NGEF: variants seen among roughly 807,000 people sequenced by gnomAD.
NGEF encodes ephexin-1.
A neutral mutation model predicts 80.9 loss-of-function variants in NGEF; 31 were observed. The ratio of observed to expected loss-of-function variants is 0.38; its 90% CI spans 0.29 to 0.52. The LOEUF is 0.52. NGEF is among the 20% of genes least tolerant of loss of function. The pLI, the probability that NGEF is intolerant of heterozygous loss-of-function variation, is 0.84. For missense variants in NGEF, 709 were observed against 926.2 expected, an observed-to-expected ratio of 0.77 and a Z score of 3.04; for synonymous variants, 371 against 370.2, an observed-to-expected ratio of 1.00 and a Z score of -0.03.
intron 13 of NGEF, 31 bp downstream of exon 13, chr2:232,882,155 A>T: frequency 1.2e-6 from 2 of 1,603,582 alleles, no homozygotes; most frequent in African/African-American, 2.7e-5. Context: ...CCCAAGGACA[A>T]ATGGCGCCCC....
intron 3 of NGEF, 146 bp from the exon 4 acceptor site, chr2:232,927,332 C>T: frequency 2.4e-6 from 2 of 831,496 alleles, no homozygotes; most frequent in South Asian, 5.1e-5. Context: ...CAGCCAGCGC[C>T]GCCCCTCCCG....
rs1171532803 is a variant in NGEF, at chr2:232,878,872, AG to A, written c.*616del. ...AGCCCATCAGGGAGCCAGAGGCGGG[AG>A]GGGTCCCCAGCCAAGCTCTGGCAGG... On this transcript the variant is annotated 3_prime_UTR_variant, in exon 15 of 15. Coordinates refer to ENST00000264051, the MANE Select transcript of NGEF (RefSeq NM_019850.3). 1 of 152,480 alleles carries A rather than the reference AG, an allele frequency of 6.6e-6. No homozygotes were observed. The highest frequency in any genetic ancestry group is 6.5e-5 in the Admixed American group (1 of 15,290). The allele number at this position is 152,480 out of a possible 1,614,324, so 9.4% of individuals were successfully genotyped here.
At position 232,900,756 on chromosome 2, in the gene NGEF, TCACA is replaced by T. The variant is rs562746618; in HGVS notation, c.829-5844_829-5841del. Among the ~76,000 whole-genome samples the T allele has an allele frequency of 6.3e-3, 431 of 68,188 alleles. 21 individuals are homozygous for T. Among genetic ancestry groups the T allele is most frequent in the Middle Eastern group, 0.023 (3 of 130 alleles). The allele number at this position is 68,188 out of a possible 152,430, so 44.7% of individuals were successfully genotyped here. On this transcript the variant is annotated intron_variant, in intron 5 of 14. Transcript: ENST00000264051. ...CATATACACGTTCACTCACATTCAC[TCACA>T]CACACACGCTCTCACACTCATGCAC...
chr2:232,894,257 C>T (rs959938133), intron 6 of NGEF, among the ~76,000 whole-genome samples: 2 of 152,238 alleles, frequency 1.3e-5, no homozygotes, highest in Admixed American at 6.5e-5. Flanking sequence ...AAGCACAGCT[C>T]CCAGAGCTGT....
chr2:232,922,927 G>C, intron 4 of NGEF, among the ~76,000 whole-genome samples: 1 of 152,042 alleles, frequency 6.6e-6, no homozygotes, highest in Non-Finnish European at 1.5e-5. Context: ...AAAATTAGCC[G>C]GGTGTGGTGG....
chr2:232,952,839 GTC>G (rs1693704198), intron 3 of NGEF, among the ~76,000 whole-genome samples: 2 of 151,188 alleles, frequency 1.3e-5, no homozygotes, highest in Non-Finnish European at 1.5e-5. Context: ...TGTGGTGGCA[GTC>G]ACCTGTAATC....
intron 3 of NGEF, chr2:232,969,994 A>T (rs1694152407): frequency 3.6e-6 from 1 of 281,482 alleles, no homozygotes; most frequent in South Asian, 7.3e-5. Flanking sequence ...GCAAGACCAC[A>T]TCACTGCCCA....
intron 14 of NGEF, among the ~76,000 whole-genome samples, chr2:232,880,038 G>T (rs1395657226): frequency 6.6e-6 from 1 of 152,166 alleles, no homozygotes; most frequent in African/African-American, 2.4e-5. Flanking sequence ...GGTGGGGGTG[G>T]CAGCCGAGCA....
intron 5 of NGEF, among the ~76,000 whole-genome samples, chr2:232,913,300 AT>A (rs1692727020): frequency 6.6e-6 from 1 of 152,160 alleles, no homozygotes; most frequent in South Asian, 2.1e-4. Flanking sequence ...ATTTTCTGTT[AT>A]CTTTGTTACC....
chr2:232,889,314 C>T (rs1259488276), intron 8 of NGEF, among the ~76,000 whole-genome samples: 2 of 152,194 alleles, frequency 1.3e-5, no homozygotes, highest in Non-Finnish European at 2.9e-5. Context: ...CTTAGCCTGG[C>T]ACGTGCTCTC....
intron 1 of NGEF, among the ~76,000 whole-genome samples, chr2:232,988,530 A>G (rs1053706691): frequency 1.1e-4 from 16 of 152,224 alleles, no homozygotes; most frequent in Non-Finnish European, 2.1e-4. Context: ...GTGGGAGTTT[A>G]CATGGATTCC....
chr2:232,987,291 T>C (rs537222613), intron 1 of NGEF, among the ~76,000 whole-genome samples: 1 of 152,224 alleles, frequency 6.6e-6, no homozygotes, highest in East Asian at 1.9e-4. Context: ...GTGCTGAGAT[T>C]ACAGGCATTA....
chr2:232,915,352 G>T (rs1055167340), intron 5 of NGEF, among the ~76,000 whole-genome samples: 1 of 152,062 alleles, frequency 6.6e-6, no homozygotes, highest in Non-Finnish European at 1.5e-5. Context: ...AGTGTTTGTT[G>T]TGTGTTTTCC....
At chr2:232,895,529 A>G (rs1401117629) in intron 5 of NGEF, among the ~76,000 whole-genome samples, 5 of 147,718 alleles carry the variant, frequency 3.4e-5, no homozygotes, top group Non-Finnish European at 7.5e-5. Context: ...TCTGTCTTAA[A>G]AAAAAAAAAA....
chr2:232,937,333 G>T lies in NGEF; in HGVS notation c.384-10147C>A, dbSNP rs569705450. Among the ~76,000 whole-genome samples the T allele has an allele frequency of 9.2e-5, 14 of 152,252 alleles. No homozygotes were observed. In the South Asian group the frequency reaches 2.9e-3, roughly 32 times the overall value. On this transcript the variant is annotated intron_variant, in intron 3 of 14. Coordinates refer to ENST00000264051, the MANE Select transcript of NGEF (RefSeq NM_019850.3). ...AGCCTTCCTTTCCTCTGGTCTCTTT[G>T]TCCCTCCCTCCATCTGTCCTAAATG...
chr2:232,921,516 A>G (rs1321591708), intron 4 of NGEF, among the ~76,000 whole-genome samples: 2 of 152,104 alleles, frequency 1.3e-5, no homozygotes, highest in African/African-American at 2.4e-5. Flanking sequence ...CAGTGGTGCA[A>G]TCATAGCTCA....
chr2:232,942,061 C>A (rs4973576), intron 3 of NGEF, among the ~76,000 whole-genome samples: 113,738 of 152,036 alleles, frequency 0.75, 42,952 homozygotes, highest in East Asian at 0.89. Flanking sequence ...AAACCACCAC[C>A]TCCACTCAAA....
chr2:232,953,039 C>G (rs1282627931), intron 3 of NGEF, among the ~76,000 whole-genome samples: 2 of 148,114 alleles, frequency 1.4e-5, no homozygotes, highest in Middle Eastern at 3.8e-3. Context: ...CGCAGTGGCT[C>G]ACGCCTGTAA....
chr2:232,997,132 C>G (rs1050536644), intron 1 of NGEF, among the ~76,000 whole-genome samples: 1 of 125,974 alleles, frequency 7.9e-6, no homozygotes, highest in Non-Finnish European at 1.7e-5. Flanking sequence ...GGTTCTCACT[C>G]CGGCACTGGC....
Sources: gnomAD v4.1 joint callset for allele counts (sites outside exome capture counted in the v4.1 genomes callset) on GRCh38, gnomAD v4.1.1 for gene constraint, MANE v1.5 for transcripts, NCBI Gene and HGNC (gene_info 2026-07-23, HGNC 2026-07-21) for gene names.